Variants in PEBP4 observed in about 807,000 individuals in gnomAD.
The protein encoded by PEBP4 is phosphatidylethanolamine-binding protein 4.
PEBP4 carries 22 observed loss-of-function variants against 23.9 expected under a neutral mutation model. That is an observed-to-expected ratio of 0.92 (90% CI 0.66 to 1.31). The LOEUF (loss-of-function observed/expected upper bound fraction) is 1.31. Ranked by LOEUF, PEBP4 falls within the 40% of genes most tolerant of loss-of-function variation. The pLI is 0.00. For missense variants in PEBP4, 324 were observed against 281.7 expected, an observed-to-expected ratio of 1.15 and a Z score of -1.07; for synonymous variants, 112 against 99.3, an observed-to-expected ratio of 1.13 and a Z score of -0.76.
At chr8:22,897,198 C>T (rs1381887219) in intron 3 of PEBP4, among the ~76,000 whole-genome samples, 2 of 152,116 alleles carry the variant, frequency 1.3e-5, no homozygotes, top group Admixed American at 6.6e-5. Context: ...TCTTCTCCTC[C>T]TCTTCCATCT....
intron 3 of PEBP4, among the ~76,000 whole-genome samples, chr8:22,837,706 C>A (rs963879263): frequency 6.6e-6 from 1 of 151,934 alleles, no homozygotes; most frequent in Non-Finnish European, 1.5e-5. Context: ...AATCCTTCCC[C>A]TTCCTCAAGA....
chr8:22,797,698 A>T (rs957074799), intron 4 of PEBP4, among the ~76,000 whole-genome samples: 6 of 152,168 alleles, frequency 3.9e-5, no homozygotes, highest in Non-Finnish European at 8.8e-5. Flanking sequence ...GATCTGAAGG[A>T]ACCGGGGGAA....
intron 3 of PEBP4, chr8:22,895,348 T>TA (rs1276542617): frequency 8.5e-5 from 13 of 152,292 alleles, no homozygotes; most frequent in African/African-American, 2.9e-4. Flanking sequence ...GGGGTGGGCT[T>TA]ACACATGTGT....
chr8:22,760,941 C>T (rs979606160), intron 4 of PEBP4, among the ~76,000 whole-genome samples: 9 of 152,164 alleles, frequency 5.9e-5, no homozygotes, highest in African/African-American at 9.7e-5. Flanking sequence ...GGAGGTTTCG[C>T]GCACACCAGT....
chr8:22,740,709 T>TC (rs957637002), intron 4 of PEBP4, among the ~76,000 whole-genome samples: 2 of 151,968 alleles, frequency 1.3e-5, no homozygotes, highest in Non-Finnish European at 2.9e-5. Flanking sequence ...GGCTCACCCT[T>TC]CCCCCTGTGG....
chr8:22,855,002 A>ACACACG (rs1554491770), intron 3 of PEBP4, among the ~76,000 whole-genome samples: 3 of 49,404 alleles, frequency 6.1e-5, no homozygotes, highest in Non-Finnish European at 1.2e-4. Context: ...GTATGCACGC[A>ACACACG]CACACACACA....
intron 2 of PEBP4, among the ~76,000 whole-genome samples, chr8:22,922,187 C>T (rs554335275): frequency 8.5e-5 from 13 of 152,248 alleles, no homozygotes; most frequent in Non-Finnish European, 1.5e-4. Flanking sequence ...GCCAGGCCAG[C>T]GTTTGAACAT....
intron 4 of PEBP4, chr8:22,757,345 T>A (rs1805408462): frequency 6.6e-6 from 1 of 152,252 alleles, no homozygotes; most frequent in Non-Finnish European, 1.5e-5. Context: ...CACGACAGGT[T>A]CCCGAGGTCG....
chr8:22,862,058 A>G (rs139364491), intron 3 of PEBP4, among the ~76,000 whole-genome samples: 2 of 152,184 alleles, frequency 1.3e-5, no homozygotes, highest in African/African-American at 4.8e-5. Context: ...CCGCTTGATC[A>G]GGAGTATTGA....
At chr8:22,823,134 T>C (rs145958478) in intron 3 of PEBP4, among the ~76,000 whole-genome samples, 125 of 151,986 alleles carry the variant, frequency 8.2e-4, no homozygotes, top group Middle Eastern at 3.4e-3. Flanking sequence ...AAATAGAAAA[T>C]CCAGAGAGAA....
At chr8:22,869,254 T>C (rs775152722) in intron 3 of PEBP4, among the ~76,000 whole-genome samples, 50 of 152,242 alleles carry the variant, frequency 3.3e-4, no homozygotes, top group Non-Finnish European at 6.2e-4. Flanking sequence ...GTCTCCCTTG[T>C]TCTGCTCTTA....
chr8:22,826,711 A>T (rs776361428), intron 3 of PEBP4, among the ~76,000 whole-genome samples: 1 of 152,224 alleles, frequency 6.6e-6, no homozygotes, highest in Non-Finnish European at 1.5e-5. Context: ...ATATTTCTTC[A>T]CATTTGCTTG....
chr8:22,757,754 G>A (rs944976559), intron 4 of PEBP4: 7 of 152,270 alleles, frequency 4.6e-5, no homozygotes, highest in Admixed American at 4.6e-4. Context: ...CAAGAGAGTT[G>A]GGCCTGTGCT....
At position 22,865,937 on chromosome 8, in the gene PEBP4, C is replaced by T. The variant is rs527516465; in HGVS notation, c.259-48202G>A. Among the ~76,000 whole-genome samples the T allele has an allele frequency of 1.3e-5, 2 of 152,184 alleles. No homozygotes were observed. Among genetic ancestry groups the T allele is most frequent in the East Asian group, 1.9e-4 (1 of 5,136 alleles). The stretch of plus-strand genomic sequence containing the variant: ...AGGACACGCGCCTCGAGGTGTGGCC[C>T]GGCGCCGGGCGGTGCTGCCCGGAGA... On this transcript the variant is annotated intron_variant, in intron 3 of 6. Coordinates refer to ENST00000256404, the MANE Select transcript of PEBP4 (RefSeq NM_144962.3). The surrounding 1 kb of genome is among the most constrained non-coding windows in gnomAD (Gnocchi z 6.9).
At chr8:22,928,495 G>T (rs1291485206), upstream of PEBP4, among the ~76,000 whole-genome samples, 1 of 152,164 alleles carries the variant, frequency 6.6e-6, no homozygotes, top group Non-Finnish European at 1.5e-5. Context: ...AGAAAGGGGT[G>T]GCCTGCCCCA....
intron 3 of PEBP4, among the ~76,000 whole-genome samples, chr8:22,835,749 C>T (rs936930818): frequency 2.0e-5 from 3 of 152,218 alleles, no homozygotes; most frequent in Admixed American, 1.3e-4. Flanking sequence ...CCCCAAAATG[C>T]CTTCTTCAAA....
At chr8:22,826,378 C>T (rs757972290) in intron 3 of PEBP4, among the ~76,000 whole-genome samples, 7 of 152,152 alleles carry the variant, frequency 4.6e-5, no homozygotes, top group Admixed American at 6.5e-5. Flanking sequence ...CCTTTTTACT[C>T]AGTGATTCCA....
intron 4 of PEBP4, among the ~76,000 whole-genome samples, chr8:22,748,871 C>G (rs1435397578): frequency 6.6e-6 from 1 of 152,142 alleles, no homozygotes; most frequent in African/African-American, 2.4e-5. Context: ...TGCGGACTTG[C>G]CTGGGGGAAG....
intron 3 of PEBP4, among the ~76,000 whole-genome samples, chr8:22,903,356 A>G (rs74556818): frequency 2.9e-3 from 443 of 152,318 alleles, no homozygotes; most frequent in African/African-American, 0.01. Context: ...AAATGAGCTA[A>G]TATTTCTAAA....
Sources: gnomAD v4.1 joint callset for allele counts (sites outside exome capture counted in the v4.1 genomes callset) on GRCh38, gnomAD v4.1.1 for gene constraint, Gnocchi (gnomAD v3.1) non-coding constraint, MANE v1.5 for transcripts, NCBI Gene and HGNC (gene_info 2026-07-23, HGNC 2026-07-21) for gene names.